Variants in STAT4 observed in about 807,000 individuals in gnomAD.
STAT4 encodes signal transducer and activator of transcription 4.
Under a neutral mutation model 110.5 loss-of-function variants are expected in STAT4, and 42 were observed. That is an observed-to-expected ratio of 0.38 (90% confidence interval 0.30 to 0.49). The LOEUF (loss-of-function observed/expected upper bound fraction) is 0.49. STAT4 is among the 20% of genes least tolerant of loss of function. The pLI is 0.95. For synonymous variants in STAT4, 284 were observed against 302.2 expected (o/e 0.94, Z 0.63); for missense variants, 632 against 887.9 (o/e 0.71, Z 3.66).
At chr2:191,151,178 G>A (rs1699582599), upstream of STAT4, 9 of 985,508 alleles carry the variant, frequency 9.1e-6, no homozygotes, top group Middle Eastern at 5.2e-4. The surrounding 1 kb of genome is among the most constrained non-coding windows in gnomAD (Gnocchi z 4.7). Context: ...CCAGGCTGGA[G>A]CCCCTTCACC....
intron 3 of STAT4, among the ~76,000 whole-genome samples, chr2:191,100,046 T>A: frequency 6.6e-6 from 1 of 152,150 alleles, no homozygotes; most frequent in East Asian, 1.9e-4. Flanking sequence ...ATTTTCATCA[T>A]AACAAAAATT....
At position 191,104,536 on chromosome 2, in the gene STAT4, C is replaced by G. The variant is rs1698225432; in HGVS notation, c.274-28211G>C. ...TTTTTAAATTTGAAGATTTAATAGA[C>G]CAGAAAACTGCCATAGAAGTCTTTG... On this transcript the variant is annotated intron_variant, in intron 3 of 23. Coordinates refer to ENST00000392320, the MANE Select transcript of STAT4 (RefSeq NM_003151.4). This position sits in a 1 kb window ranked among gnomAD's most constrained non-coding sequence, Gnocchi z 4.3. Among the ~76,000 whole-genome samples, 2 of 152,052 alleles carry G rather than the reference C, an allele frequency of 1.3e-5. No homozygotes were observed. The highest frequency in any genetic ancestry group is 4.8e-5 in the African/African-American group (2 of 41,406).
intron 3 of STAT4, among the ~76,000 whole-genome samples, chr2:191,136,550 G>A (rs1468323100): frequency 2.0e-5 from 3 of 152,158 alleles, no homozygotes; most frequent in Non-Finnish European, 2.9e-5. Flanking sequence ...TCAGGAGTTC[G>A]AGACCAGCCT....
At chr2:191,054,592 G>A (rs2125207141) in intron 13 of STAT4, 58 bp from the exon 14 acceptor site, 1 of 1,506,342 alleles carries the variant, frequency 6.6e-7, no homozygotes, top group Non-Finnish European at 9.2e-7. Context: ...TACATATTAA[G>A]TTGGTCGTAC....
chr2:191,048,105 C>T (rs1327009761), intron 14 of STAT4, among the ~76,000 whole-genome samples: 2 of 152,216 alleles, frequency 1.3e-5, no homozygotes, highest in East Asian at 3.8e-4. Context: ...ATTCCACAGA[C>T]AGAGCAATGA....
chr2:191,032,978 T>C lies in STAT4; in HGVS notation c.2024A>G (p.Tyr675Cys). The C allele has an allele frequency of 6.2e-7, 1 of 1,613,908 alleles. No individual in the cohort carries two copies. The highest frequency in any genetic ancestry group is 8.5e-7 in the Non-Finnish European group (1 of 1,179,906). The part of the protein sequence containing the change: ...IPKDKAFGKH[Y>C]SSQPCEVSRP... The stretch of plus-strand genomic sequence containing the variant: ...CTAACCTTCGCAAGGCTGAGAGCTG[T>C]AGTGTTTACCGAAGGCTTTGTCTTT... Residue 675 changes from tyrosine (Y) to cysteine (C), a missense_variant, in exon 21 of 24, where the codon TAC becomes TGC. Coordinates refer to ENST00000392320, the MANE Select transcript of STAT4 (RefSeq NM_003151.4). This position sits in a 1 kb window ranked among gnomAD's most constrained non-coding sequence, Gnocchi z 4.9.
intron 13 of STAT4, among the ~76,000 whole-genome samples, chr2:191,056,514 T>C (rs867505996): frequency 3.9e-5 from 6 of 152,286 alleles, no homozygotes; most frequent in African/African-American, 1.2e-4. Context: ...GTTTTGGAGA[T>C]GTAAAAATGA....
intron 3 of STAT4, among the ~76,000 whole-genome samples, chr2:191,119,952 T>C (rs936795674): frequency 6.6e-6 from 1 of 152,214 alleles, no homozygotes; most frequent in Non-Finnish European, 1.5e-5. Context: ...GATAACCACA[T>C]GGATCACTTA....
intron 3 of STAT4, among the ~76,000 whole-genome samples, chr2:191,129,223 A>C: frequency 6.6e-6 from 1 of 152,212 alleles, no homozygotes; most frequent in African/African-American, 2.4e-5. Context: ...TAATAAAAAT[A>C]AAAGCATGCA....
chr2:191,102,192 C>T (rs1698165200), intron 3 of STAT4, among the ~76,000 whole-genome samples: 1 of 152,056 alleles, frequency 6.6e-6, no homozygotes, highest in African/African-American at 2.4e-5. Context: ...CACATGCTTA[C>T]CGTTCCAATA....
At position 191,064,832 on chromosome 2, in the gene STAT4, T is replaced by G. The variant is rs1696943157; in HGVS notation, c.757A>C (p.Asn253His). 2.5e-6 allele frequency: 4 copies of G among 1,612,804 alleles called. No homozygotes were observed. Among genetic ancestry groups the G allele is most frequent in the Non-Finnish European group, 3.4e-6 (4 of 1,179,468 alleles). The change falls in exon 8 of 24, where the codon AAT becomes CAT. Residue 253 changes from asparagine (N) to histidine (H), a missense_variant. Physicochemically the swap from Asn to His is moderately conservative, Grantham distance 68. Coordinates refer to ENST00000392320, the MANE Select transcript of STAT4 (RefSeq NM_003151.4). Reference protein sequence around the residue: ...QIACIGGPLHNGLDQLQNCFT... With the variant: ...QIACIGGPLHHGLDQLQNCFT... ...CAGTTCTGAAGCTGGTCGAGCCCAT[T>G]GTGGAGTGGACCCCCGATGCAGGCG...
chr2:191,075,752 C>T (rs1239404905), intron 4 of STAT4, among the ~76,000 whole-genome samples: 1 of 151,398 alleles, frequency 6.6e-6, no homozygotes, highest in Non-Finnish European at 1.5e-5. Context: ...ACCTTGATTG[C>T]AAGTGACTGG....
chr2:191,084,329 G>A (rs1330759795), intron 3 of STAT4, among the ~76,000 whole-genome samples: 1 of 151,892 alleles, frequency 6.6e-6, no homozygotes, highest in Non-Finnish European at 1.5e-5. Context: ...TGTTCTTAGA[G>A]TTGAGCCATT....
At chr2:191,108,831 G>C (rs1698349634) in intron 3 of STAT4, among the ~76,000 whole-genome samples, 1 of 152,160 alleles carries the variant, frequency 6.6e-6, no homozygotes, top group South Asian at 2.1e-4. Context: ...CTAAAACACT[G>C]TGTACATGCC....
intron 4 of STAT4, among the ~76,000 whole-genome samples, chr2:191,073,748 C>G (rs143918286): frequency 6.6e-6 from 1 of 152,116 alleles, no homozygotes; most frequent in Non-Finnish European, 1.5e-5. Context: ...TATATATGAT[C>G]TCTATTGCTT....
intron 14 of STAT4, among the ~76,000 whole-genome samples, chr2:191,052,650 G>A (rs1696563219): frequency 6.6e-6 from 1 of 152,118 alleles, no homozygotes; most frequent in Non-Finnish European, 1.5e-5. Context: ...TATTTGATTT[G>A]CTTTACTTAA....
intron 4 of STAT4, chr2:191,075,976 C>T (rs1001693815): frequency 2.1e-5 from 7 of 339,266 alleles, no homozygotes; most frequent in Non-Finnish European, 3.8e-5. Context: ...TCAGCCTCCA[C>T]AGAGCTAGGA....
chr2:191,081,078 G>C (rs1012896120), intron 3 of STAT4, among the ~76,000 whole-genome samples: 2 of 152,172 alleles, frequency 1.3e-5, no homozygotes, highest in Non-Finnish European at 2.9e-5. Flanking sequence ...ACTTATGAGT[G>C]AGAACATGCT....
chr2:191,113,334 C>G lies in STAT4; in HGVS notation c.273+33279G>C, dbSNP rs1309980335. Reference sequence around the variant, plus strand: ...TTTCCTTCTTTGCATCTGAACTTGTCTCTTAGTACCTATATTACAGTTGTT... The same window carrying G: ...TTTCCTTCTTTGCATCTGAACTTGTGTCTTAGTACCTATATTACAGTTGTT... On this transcript the variant is annotated intron_variant, in intron 3 of 23. Coordinates refer to ENST00000392320, the MANE Select transcript of STAT4 (RefSeq NM_003151.4). The surrounding 1 kb of genome is among the most constrained non-coding windows in gnomAD (Gnocchi z 4.8). Among the ~76,000 whole-genome samples, 1 of 152,214 alleles carries G rather than the reference C, an allele frequency of 6.6e-6. No homozygotes were observed. Among genetic ancestry groups the G allele is most frequent in the Admixed American group, 6.5e-5 (1 of 15,272 alleles).
Sources: allele counts gnomAD v4.1 joint callset (sites outside exome capture counted in the v4.1 genomes callset), GRCh38; gene constraint gnomAD v4.1.1; non-coding constraint Gnocchi (gnomAD v3.1); transcripts MANE v1.5; gene names NCBI Gene and HGNC (gene_info 2026-07-23, HGNC 2026-07-21).